The following EPB41L3 variants were observed in gnomAD, a reference collection of about 807,000 sequenced individuals.
EPB41L3 encodes erythrocyte membrane protein band 4.1 like 3.
EPB41L3 carries 57 observed loss-of-function variants against 127.1 expected under a neutral mutation model. The observed-to-expected ratio is 0.45, with a 90% CI of 0.36 to 0.56. The LOEUF (loss-of-function observed/expected upper bound fraction) is 0.56, where lower values mean the gene tolerates loss of function less well. Ranked by LOEUF, EPB41L3 falls within the 20% of genes least tolerant of loss-of-function variation. EPB41L3 has a pLI of 0.00. For missense variants in EPB41L3, 1,273 were observed against 1,372.2 expected (o/e 0.93, Z 1.14); for synonymous variants, 572 against 549.5 (o/e 1.04, Z -0.57).
chr18:5,407,636 A>T (rs1184030060), intron 15 of EPB41L3, 65 bp downstream of exon 15: 1 of 1,546,252 alleles, frequency 6.5e-7, no homozygotes, highest in Admixed American at 1.7e-5. Context: ...CTGTAGACAA[A>T]CAATGACTTA....
intron 9 of EPB41L3, among the ~76,000 whole-genome samples, chr18:5,427,618 A>G (rs2078375069): frequency 6.6e-6 from 1 of 152,248 alleles, no homozygotes; most frequent in Admixed American, 6.5e-5. Context: ...GGACCTCTAA[A>G]CTGTTCACTT....
In EPB41L3 at chr18:5,397,954, CA is replaced by C. The variant is rs1340203632; in HGVS notation, c.2472+66del. ...CTGGATGCAACCACACACTCACGCC[CA>C]AAAAAAGGGTAAGGAAAGGCACATG... On this transcript the variant is annotated intron_variant, in intron 17 of 22. Coordinates refer to ENST00000341928, the MANE Select transcript of EPB41L3 (RefSeq NM_012307.5). The surrounding 1 kb of genome is among the most constrained non-coding windows in gnomAD (Gnocchi z 4.1). The C allele has an allele frequency of 5.6e-6, 9 of 1,603,876 alleles. No individual in the cohort carries two copies. Among genetic ancestry groups the C allele is most frequent in the African/African-American group, 1.3e-5 (1 of 74,320 alleles).
intron 3 of EPB41L3, among the ~76,000 whole-genome samples, chr18:5,552,064 A>G (rs1207322871): frequency 2.0e-5 from 3 of 152,242 alleles, no homozygotes; most frequent in African/African-American, 7.2e-5. Flanking sequence ...AACATTGATA[A>G]CAAGCACTTA....
chr18:5,527,350 T>A lies in EPB41L3; in HGVS notation c.-12+16563A>T, dbSNP rs192659296. ...TCACATTTTGAAGTTATATTTACAA[T>A]TTAAAGTTAAATCAATCTTAATAAA... On this transcript the variant is annotated intron_variant, in intron 1 of 22. Transcript: ENST00000341928. Among the ~76,000 whole-genome samples, 822 of 152,296 alleles carry A rather than the reference T, an allele frequency of 5.4e-3. 5 individuals are homozygous for A. The highest frequency in any genetic ancestry group is 0.01 in the Middle Eastern group (3 of 294).
intron 1 of EPB41L3, among the ~76,000 whole-genome samples, chr18:5,525,119 G>A (rs1420075102): frequency 6.6e-6 from 1 of 152,002 alleles, no homozygotes; most frequent in Non-Finnish European, 1.5e-5. Context: ...AGTGAGAGAA[G>A]CTAAGTGACA....
At chr18:5,419,619 A>T in intron 12 of EPB41L3, 92 bp downstream of exon 12, 4 of 1,540,394 alleles carry the variant, frequency 2.6e-6, no homozygotes, top group East Asian at 4.5e-5. Flanking sequence ...ATTTATCCTA[A>T]ATCTGAGCAC....
intron 3 of EPB41L3, among the ~76,000 whole-genome samples, chr18:5,567,891 A>C (rs1015014870): frequency 3.9e-5 from 6 of 152,196 alleles, no homozygotes; most frequent in Non-Finnish European, 8.8e-5. Flanking sequence ...TAATCCAGAG[A>C]ATATTTTTTA....
chr18:5,434,733 G>A (rs1307137954), intron 6 of EPB41L3, among the ~76,000 whole-genome samples: 1 of 152,204 alleles, frequency 6.6e-6, no homozygotes, highest in Non-Finnish European at 1.5e-5. Context: ...ATCATGTGCA[G>A]AACTTAATAC....
chr18:5,430,176 C>T (rs182568479), intron 8 of EPB41L3, among the ~76,000 whole-genome samples: 48 of 152,278 alleles, frequency 3.2e-4, no homozygotes, highest in African/African-American at 1.0e-3. Flanking sequence ...AAGAAGGCTC[C>T]GATGCCTCCT....
intron 1 of EPB41L3, among the ~76,000 whole-genome samples, chr18:5,504,955 A>T (rs2092031657): frequency 6.6e-6 from 1 of 151,886 alleles, no homozygotes; most frequent in Admixed American, 6.6e-5. Flanking sequence ...CCCCCAGTCC[A>T]CCCATTTCCC....
chr18:5,482,369 C>T (rs554803164), intron 2 of EPB41L3, among the ~76,000 whole-genome samples: 1 of 152,104 alleles, frequency 6.6e-6, no homozygotes, highest in South Asian at 2.1e-4. Flanking sequence ...AGAAAATTAC[C>T]TCAAAAGACC....
chr18:5,499,249 A>T (rs924752088), intron 1 of EPB41L3, among the ~76,000 whole-genome samples: 4 of 152,160 alleles, frequency 2.6e-5, no homozygotes, highest in African/African-American at 9.7e-5. Context: ...CAAGAATTAA[A>T]TCTGAGTTCT....
At chr18:5,623,797 G>A (rs576230389) in intron 1 of EPB41L3, among the ~76,000 whole-genome samples, 29 of 152,080 alleles carry the variant, frequency 1.9e-4, no homozygotes, top group African/African-American at 6.7e-4. Flanking sequence ...ACAGGCATGA[G>A]CCACCACACC....
rs145144149 is a variant in EPB41L3 at position 5,625,065 on chromosome 18, G to A, written c.-468+3857C>T. Among the ~76,000 whole-genome samples, 164 of 152,174 alleles carry A rather than the reference G, an allele frequency of 1.1e-3. No homozygotes were observed. In the Middle Eastern group the frequency reaches 0.02, roughly 19 times the overall value. ...GAGTTGCCATGGGTTTCCTGTTGGG[G>A]CCTCGGGAGATCTGAACACTTAGAT... On this transcript the variant is annotated intron_variant, in intron 1 of 21. Transcript: ENST00000545076.
At chr18:5,541,664 A>C (rs2093734256) in intron 1 of EPB41L3, among the ~76,000 whole-genome samples, 2 of 152,246 alleles carry the variant, frequency 1.3e-5, no homozygotes, top group Non-Finnish European at 2.9e-5. Context: ...CTTTTATTTC[A>C]ACACAAAGTT....
chr18:5,416,925 A>G (rs1012077121), intron 12 of EPB41L3, among the ~76,000 whole-genome samples: 3 of 152,092 alleles, frequency 2.0e-5, no homozygotes, highest in African/African-American at 7.2e-5. Context: ...AGGAGTTTAC[A>G]TTCCAAATCA....
intron 3 of EPB41L3, among the ~76,000 whole-genome samples, chr18:5,571,486 C>T (rs1243097376): frequency 6.6e-6 from 1 of 152,126 alleles, no homozygotes; most frequent in Non-Finnish European, 1.5e-5. Context: ...TAAGACTTCT[C>T]CAGTGGGGAT....
chr18:5,522,084 C>T lies in EPB41L3; in HGVS notation c.-12+21829G>A, dbSNP rs753270871. Among the ~76,000 whole-genome samples the T allele has an allele frequency of 4.0e-4, 61 of 151,922 alleles. 2 individuals are homozygous for T. In the Middle Eastern group the frequency reaches 0.014, roughly 34 times the overall value. On this transcript the variant is annotated intron_variant, in intron 1 of 22. Transcript: ENST00000341928. ...AACAGACATGTATTTTCTTCCAATG[C>T]CAAATCGTTATTTATTTATTTATTT...
At chr18:5,495,047 C>T (rs906172337) in intron 1 of EPB41L3, among the ~76,000 whole-genome samples, 12 of 152,210 alleles carry the variant, frequency 7.9e-5, no homozygotes, top group Non-Finnish European at 1.8e-4. Context: ...GGACAAGTTA[C>T]TCCTCAAAGT....
Sources: allele counts gnomAD v4.1 joint callset (sites outside exome capture counted in the v4.1 genomes callset), GRCh38; gene constraint gnomAD v4.1.1; non-coding constraint Gnocchi (gnomAD v3.1); transcripts MANE v1.5; gene names NCBI Gene and HGNC (gene_info 2026-07-23, HGNC 2026-07-21).